The following HNRNPH1 variants were observed in gnomAD, a reference collection of about 807,000 sequenced individuals.
HNRNPH1 encodes the protein heterogeneous nuclear ribonucleoprotein H.
A neutral mutation model predicts 58.6 loss-of-function variants in HNRNPH1; 4 were observed. That is an observed-to-expected ratio of 0.07 (90% CI 0.03 to 0.16). The LOEUF (loss-of-function observed/expected upper bound fraction) is 0.16, where lower values mean the gene tolerates loss of function less well. Ranked by LOEUF, HNRNPH1 falls within the 10% of genes least tolerant of loss-of-function variation. HNRNPH1 has a pLI of 1.00. For synonymous variants in HNRNPH1, 192 were observed against 189.2 expected, an observed-to-expected ratio of 1.01 and a Z score of -0.12; for missense variants, 271 against 564.2, an observed-to-expected ratio of 0.48 and a Z score of 5.26.
chr5:179,617,620 T>C (rs1770422966), exon 8 of HNRNPH1: 4 of 1,614,028 alleles, frequency 2.5e-6, no homozygotes, highest in Non-Finnish European at 3.4e-6. Flanking sequence ...TTTCAATGTG[T>C]ACTCTCACAG....
At chr5:179,630,574 G>A (rs1216916642) in intron 2 of HNRNPH1, among the ~76,000 whole-genome samples, 2 of 152,094 alleles carry the variant, frequency 1.3e-5, no homozygotes, top group Admixed American at 6.6e-5. Flanking sequence ...TGCTTGGAGT[G>A]TAAATTGGTA....
upstream of HNRNPH1, among the ~76,000 whole-genome samples, chr5:179,626,713 CT>C (rs1774429523): frequency 7.5e-6 from 1 of 132,694 alleles, no homozygotes; most frequent in Admixed American, 7.7e-5. Flanking sequence ...AGGACTCTGT[CT>C]TTAAAAAAAA....
At chr5:179,614,745 CTTGTA>C (rs1298646006) in exon 13 of HNRNPH1, 2 of 649,404 alleles carry the variant, frequency 3.1e-6, no homozygotes, top group East Asian at 2.8e-5. Context: ...AAATCACAAG[CTTGTA>C]TTGCAGAAAC....
exon 13 of HNRNPH1, chr5:179,614,628 G>A (rs955777263): frequency 2.4e-6 from 1 of 408,264 alleles, no homozygotes; most frequent in Non-Finnish European, 4.5e-6. Flanking sequence ...AAGTTTAACA[G>A]TTATAGTTTA....
At chr5:179,627,023 C>T (rs529942442), upstream of HNRNPH1, among the ~76,000 whole-genome samples, 23 of 152,168 alleles carry the variant, frequency 1.5e-4, no homozygotes, top group Admixed American at 5.9e-4. Flanking sequence ...CCTCATGATC[C>T]GCCCACCTCG....
exon 1 of HNRNPH1, chr5:179,624,283 C>T (rs931861734): frequency 2.6e-6 from 1 of 384,850 alleles, no homozygotes. Flanking sequence ...GCCTGGGGCA[C>T]GTCCCAGCCC....
At chr5:179,627,107 T>C (rs145565793), upstream of HNRNPH1, among the ~76,000 whole-genome samples, 58 of 152,322 alleles carry the variant, frequency 3.8e-4, no homozygotes, top group African/African-American at 1.3e-3. Flanking sequence ...TCTTACAGTT[T>C]ACAGAGCTCT....
chr5:179,616,348 C>A (rs942479334), intron 10 of HNRNPH1, 130 bp from the exon 12 acceptor site: 2 of 755,776 alleles, frequency 2.6e-6, no homozygotes, highest in Non-Finnish European at 4.6e-6. Flanking sequence ...CTGCCTCCTT[C>A]TGCCTACTGT....
At chr5:179,627,899 G>A (rs1159825234), upstream of HNRNPH1, among the ~76,000 whole-genome samples, 1 of 148,656 alleles carries the variant, frequency 6.7e-6, no homozygotes, top group Non-Finnish European at 1.5e-5. Flanking sequence ...TCCAGCCTGG[G>A]CAACAGAGGG....
upstream of HNRNPH1, among the ~76,000 whole-genome samples, chr5:179,625,381 A>G (rs976337352): frequency 2.0e-5 from 3 of 151,582 alleles, no homozygotes; most frequent in African/African-American, 7.3e-5. Flanking sequence ...AATCCCAGCT[A>G]CTCTGGAGGC....
intron 1 of HNRNPH1, chr5:179,621,956 G>C (rs1182688601): frequency 2.2e-6 from 1 of 456,314 alleles, no homozygotes; most frequent in African/African-American, 2.0e-5. Context: ...TTGTTTTACA[G>C]GTCGCTTTCC....
At chr5:179,628,776 C>G (rs1189762412), upstream of HNRNPH1, among the ~76,000 whole-genome samples, 2 of 152,044 alleles carry the variant, frequency 1.3e-5, no homozygotes, top group African/African-American at 4.8e-5. Flanking sequence ...CCCGTCTCTA[C>G]TACATTATCA....
intron 2 of HNRNPH1, among the ~76,000 whole-genome samples, chr5:179,630,262 T>A (rs1774720356): frequency 6.6e-6 from 1 of 152,064 alleles, no homozygotes; most frequent in South Asian, 2.1e-4. Flanking sequence ...GGCAGGAGAA[T>A]CGCTTGAATG....
At chr5:179,615,335 T>C (rs541802552) in intron 12 of HNRNPH1, 9 of 483,292 alleles carry the variant, frequency 1.9e-5, no homozygotes, top group East Asian at 3.1e-5. Flanking sequence ...CGAATGGCAT[T>C]TGAGAAAAGG....
At chr5:179,624,597 C>T (rs1455410988) in exon 1 of HNRNPH1, 3 of 398,650 alleles carry the variant, frequency 7.5e-6, no homozygotes, top group Non-Finnish European at 1.3e-5. Flanking sequence ...ACGCTGCATT[C>T]GAGGAGGCCC....
chr5:179,620,353 GA>G (rs1175629211), intron 3 of HNRNPH1, among the ~76,000 whole-genome samples: 2 of 152,202 alleles, frequency 1.3e-5, no homozygotes, highest in Non-Finnish European at 2.9e-5. Context: ...TTCAGATACT[GA>G]GACTACAAGC....
chr5:179,622,907 G>GGGCGCCAGGA (rs1562324405), intron 1 of HNRNPH1, 130 bp downstream of exon 2: 1 of 156,132 alleles, frequency 6.4e-6, no homozygotes, highest in South Asian at 2.0e-4. Flanking sequence ...CCTCGCCAGG[G>GGGCGCCAGGA]GGCGCCCCGG....
At chr5:179,617,417 G>GA in intron 8 of HNRNPH1, 97 bp downstream of exon 9, 3 of 1,376,516 alleles carry the variant, frequency 2.2e-6, no homozygotes, top group Non-Finnish European at 3.0e-6. Context: ...TACTGGAGAG[G>GA]AAACTTCTCA....
intron 11 of HNRNPH1, 181 bp downstream of exon 12, chr5:179,615,945 T>G (rs1357328578): frequency 3.5e-6 from 2 of 577,836 alleles, no homozygotes; most frequent in South Asian, 4.7e-5. Context: ...TACATTTGGA[T>G]TGAAAGCATA....
Sources: allele counts gnomAD v4.1 joint callset (sites outside exome capture counted in the v4.1 genomes callset), GRCh38; gene constraint gnomAD v4.1.1; transcripts MANE v1.5; gene names NCBI Gene and HGNC (gene_info 2026-07-23, HGNC 2026-07-21).